The following MROH1 variants were observed in gnomAD, a reference collection of about 807,000 sequenced individuals.
MROH1 encodes the protein maestro heat like repeat family member 1.
A neutral mutation model predicts 116.5 loss-of-function variants in MROH1; 117 were observed. The ratio of observed to expected loss-of-function variants is 1.00; its 90% confidence interval spans 0.86 to 1.17. The LOEUF (loss-of-function observed/expected upper bound fraction) is 1.17. Among genes scored for constraint, MROH1 ranks in the 50% most tolerant of loss-of-function variants. The probability of loss-of-function intolerance (pLI) is 0.00; values close to 1 mark genes in which losing one functional copy is unlikely to be tolerated. For missense variants in MROH1, 1,873 were observed against 1,338.5 expected, an observed-to-expected ratio of 1.40 and a Z score of -6.23; for synonymous variants, 921 against 583.9, an observed-to-expected ratio of 1.58 and a Z score of -8.32.
rs372694730 is a variant in MROH1 at position 144,190,978 on chromosome 8, T to G, written c.714+43T>G. ...ATCAGTCCACGCCTGATGCCAGGGC[T>G]CTCTCCTCCCCACATTCCCTGCCCG... On this transcript the variant is annotated intron_variant, in intron 8 of 43. Coordinates refer to ENST00000326134, the MANE Select transcript of MROH1 (RefSeq NM_032450.3). The G allele has an allele frequency of 4.1e-5, 64 of 1,573,624 alleles. No individual in the cohort carries two copies. In the African/African-American group the frequency reaches 6.5e-4, roughly 16 times the overall value.
intron 7 of MROH1, among the ~76,000 whole-genome samples, chr8:144,190,421 A>AGCTGAACCTGGGAGGCAGGAGGCAGG (rs1377055758): frequency 2.0e-5 from 3 of 152,110 alleles, no homozygotes; most frequent in African/African-American, 7.2e-5. Flanking sequence ...TCAGGAGGCT[A>AGCTGAACCTGGGAGGCAGGAGGCAGG]AGGCAGGAGA....
chr8:144,232,555 G>A lies in MROH1; in HGVS notation c.1339-6201G>A, dbSNP rs1490358855. 4.6e-5 allele frequency among the ~76,000 whole-genome samples: 7 copies of A among 151,584 alleles called. No homozygotes were observed. The South Asian group carries it at 1.5e-3, about 31-fold the overall frequency. On this transcript the variant is annotated intron_variant, in intron 14 of 43. Coordinates refer to ENST00000326134, the MANE Select transcript of MROH1 (RefSeq NM_032450.3). The stretch of plus-strand genomic sequence containing the variant: ...GTCCCCCGGGCTGGAGTGCAGTGGC[G>A]CAATCTCAGCTCACGGCAACCTCCG...
intron 35 of MROH1, among the ~76,000 whole-genome samples, chr8:144,258,349 C>T (rs913658717): frequency 6.6e-6 from 1 of 152,212 alleles, no homozygotes; most frequent in Non-Finnish European, 1.5e-5. Context: ...GGGGCCTGCT[C>T]GCCTCCCAGA....
intron 1 of MROH1, among the ~76,000 whole-genome samples, chr8:144,150,870 A>T (rs1816563671): frequency 6.6e-6 from 1 of 152,174 alleles, no homozygotes; most frequent in African/African-American, 2.4e-5. Flanking sequence ...CTAGATGAGG[A>T]CAGGCACTCC....
chr8:144,161,551 C>T (rs938210000), intron 2 of MROH1, among the ~76,000 whole-genome samples: 3 of 152,196 alleles, frequency 2.0e-5, no homozygotes, highest in Admixed American at 6.5e-5. Context: ...CTTAGGGCTC[C>T]GCCTCATTTC....
At chr8:144,258,700 T>C (rs1844395970) in intron 35 of MROH1, 77 bp from the exon 36 acceptor site, 2 of 706,014 alleles carry the variant, frequency 2.8e-6, no homozygotes, top group Non-Finnish European at 5.2e-6. Flanking sequence ...ACGCATTGGG[T>C]GCAGACCTGA....
chr8:144,180,034 G>A lies in MROH1; in HGVS notation c.301-144G>A. 1.1e-6 allele frequency: 1 copy of A among 940,296 alleles called. No homozygotes were observed. Among genetic ancestry groups the A allele is most frequent in the Non-Finnish European group, 1.6e-6 (1 of 613,672 alleles). The allele number at this position is 940,296 out of a possible 1,614,324, so 58.2% of individuals were successfully genotyped here. A position where few individuals can be genotyped will look rare whatever the true frequency, so the allele number is the denominator to read the frequency against. On this transcript the variant is annotated intron_variant, in intron 5 of 43. Coordinates refer to ENST00000326134, the MANE Select transcript of MROH1 (RefSeq NM_032450.3). This position sits in a 1 kb window ranked among gnomAD's most constrained non-coding sequence, Gnocchi z 7.4. ...GGGTCTCCTCAGCAGCCCCTCAGCA[G>A]AGGAGGCTGTGCCCGCCACCTTCCC...
intron 12 of MROH1, among the ~76,000 whole-genome samples, chr8:144,202,357 G>GGAGGGGCAAA (rs1831386862): frequency 6.6e-6 from 1 of 151,132 alleles, no homozygotes; most frequent in South Asian, 2.1e-4. Context: ...TCCCCTCTGT[G>GGAGGGGCAAA]GAGGGGAAAG....
At chr8:144,201,955 T>C (rs1158918484) in intron 12 of MROH1, among the ~76,000 whole-genome samples, 2 of 149,772 alleles carry the variant, frequency 1.3e-5, no homozygotes, top group East Asian at 2.0e-4. Context: ...AAGGCTGAGG[T>C]TGCAGTGAGC....
At chr8:144,192,469 G>A in intron 10 of MROH1, 68 bp downstream of exon 10, 1 of 1,421,190 alleles carries the variant, frequency 7.0e-7, no homozygotes, top group South Asian at 1.2e-5. Flanking sequence ...TGCTGGACAA[G>A]GGGTGCAGAA....
At position 144,162,163 on chromosome 8, in the gene MROH1, C is replaced by T. The variant is rs182155145; in HGVS notation, c.-57+1074C>T. Among the ~76,000 whole-genome samples, 586 of 150,412 alleles carry T rather than the reference C, an allele frequency of 3.9e-3. 1 individual carries two copies. Among genetic ancestry groups the T allele is most frequent in the African/African-American group, 0.014 (558 of 40,780 alleles). ...GCAGTGGCACGATCTCAGCTCACTGCGACCTCCACCTCCCGGGTGCAAGTG... is the reference window on the plus strand; with the variant it reads ...GCAGTGGCACGATCTCAGCTCACTGTGACCTCCACCTCCCGGGTGCAAGTG... On this transcript the variant is annotated intron_variant, in intron 2 of 43. Transcript: ENST00000326134.
intron 21 of MROH1, 24 bp downstream of exon 21, chr8:144,241,135 G>GC (rs1368377204): frequency 1.4e-6 from 1 of 736,128 alleles, no homozygotes; most frequent in Non-Finnish European, 2.5e-6. Flanking sequence ...CCCTGCAGAA[G>GC]CCCCAGACAC....
chr8:144,217,410 CATT>C (rs564956277), intron 12 of MROH1, among the ~76,000 whole-genome samples: 70 of 152,304 alleles, frequency 4.6e-4, no homozygotes, highest in African/African-American at 1.7e-3. Context: ...CAGGAACTCT[CATT>C]ATGTATATGC....
rs1838936674 is a variant in MROH1 at position 144,231,787 on chromosome 8, C to G, written c.1339-6969C>G. On this transcript the variant is annotated intron_variant, in intron 14 of 43. Transcript: ENST00000326134. ...AAGGCGCCCGTAGACTCACTGGACACAGGGCTGCCCCAGACCTTCCACTTG... is the reference window on the plus strand; with the variant it reads ...AAGGCGCCCGTAGACTCACTGGACAGAGGGCTGCCCCAGACCTTCCACTTG... 1.3e-5 allele frequency among the ~76,000 whole-genome samples: 2 copies of G among 152,240 alleles called. 1 individual carries two copies. Among genetic ancestry groups the G allele is most frequent in the South Asian group, 4.1e-4 (2 of 4,832 alleles).
At position 144,180,562 on chromosome 8, in the gene MROH1, C is replaced by T. The variant is rs1431278627; in HGVS notation, c.562+39C>T. ...TCGTCACCTTCTGTCTCAAGTGCCC[C>T]TTTGTGGGGGGCTGTTCCCGGGCAT... On this transcript the variant is annotated intron_variant, in intron 7 of 43. Coordinates refer to ENST00000326134, the MANE Select transcript of MROH1 (RefSeq NM_032450.3). The surrounding 1 kb of genome is among the most constrained non-coding windows in gnomAD (Gnocchi z 7.4). 2 of 1,584,982 alleles carry T rather than the reference C, an allele frequency of 1.3e-6. No individual in the cohort carries two copies. Among genetic ancestry groups the T allele is most frequent in the African/African-American group, 1.3e-5 (1 of 74,570 alleles).
chr8:144,259,424 C>T (rs1844545423), intron 37 of MROH1, 70 bp downstream of exon 37: 5 of 705,118 alleles, frequency 7.1e-6, no homozygotes, highest in South Asian at 3.0e-5. Flanking sequence ...ACGGGATGCC[C>T]TTTTCTTACC....
chr8:144,244,538 A>C lies in MROH1; in HGVS notation c.2765A>C (p.Glu922Ala). The C allele has an allele frequency of 1.3e-6, 1 of 758,454 alleles. No homozygotes were observed. The highest frequency in any genetic ancestry group is 2.5e-5 in the East Asian group (1 of 39,972). The allele number at this position is 758,454 out of a possible 1,614,324, so 47.0% of individuals were successfully genotyped here. Reference sequence around the variant, plus strand: ...CCCCAAGGCCTGCAGATCATGATTGAGGTGTGCAGGGGGGAACTGTCATGG... The same window carrying C: ...CCCCAAGGCCTGCAGATCATGATTGCGGTGTGCAGGGGGGAACTGTCATGG... ...MTPQGLQIMI[E>A]HLSPWIKSPR... The change falls in exon 28 of 44, where the codon GAG (glutamate) becomes GCG (alanine). Residue 922 changes from glutamate to alanine, a missense_variant and splice_region_variant. Coordinates refer to ENST00000326134, the MANE Select transcript of MROH1 (RefSeq NM_032450.3).
chr8:144,261,545 C>A lies in MROH1; in HGVS notation c.4841-110C>A, dbSNP rs952064357. The stretch of plus-strand genomic sequence containing the variant: ...ACTAAAAAAGGAAAAACGATCTTTC[C>A]GTTGGCTCCTGAGCCTCCCAGCAGA... On this transcript the variant is annotated intron_variant, in intron 43 of 43. Coordinates refer to ENST00000326134, the MANE Select transcript of MROH1 (RefSeq NM_032450.3). The A allele has an allele frequency of 8.7e-6, 6 of 691,368 alleles. No homozygotes were observed. In the African/African-American group the frequency reaches 1.1e-4, roughly 12 times the overall value. The allele number at this position is 691,368 out of a possible 1,614,324, so 42.8% of individuals were successfully genotyped here. A position where few individuals can be genotyped will look rare whatever the true frequency, so the allele number is the denominator to read the frequency against.
At chr8:144,187,537 T>C (rs1827496533) in intron 7 of MROH1, among the ~76,000 whole-genome samples, 1 of 152,248 alleles carries the variant, frequency 6.6e-6, no homozygotes, top group South Asian at 2.1e-4. Flanking sequence ...CCACAAATTA[T>C]TAGAGGTGAC....
Sources: allele counts gnomAD v4.1 joint callset (sites outside exome capture counted in the v4.1 genomes callset), GRCh38; gene constraint gnomAD v4.1.1; non-coding constraint Gnocchi (gnomAD v3.1); transcripts MANE v1.5; gene names NCBI Gene and HGNC (gene_info 2026-07-23, HGNC 2026-07-21).